The following KIAA1217 variants were observed in gnomAD, a reference collection of about 807,000 sequenced individuals.
KIAA1217 encodes the protein KIAA1217.
A neutral mutation model predicts 163.9 loss-of-function variants in KIAA1217; 88 were observed. That is an observed-to-expected ratio of 0.54 (90% CI 0.45 to 0.64). The LOEUF (loss-of-function observed/expected upper bound fraction) is 0.64, where lower values mean the gene tolerates loss of function less well. KIAA1217 is among the 30% of genes least tolerant of loss of function. The pLI is 0.00. For synonymous variants in KIAA1217, 903 were observed against 923.1 expected (o/e 0.98, Z 0.39); for missense variants, 2,372 against 2,475.0 (o/e 0.96, Z 0.88).
intron 16 of KIAA1217, 70 bp from the exon 17 acceptor site, chr10:24,536,704 C>G: frequency 6.5e-7 from 1 of 1,542,734 alleles, no homozygotes; most frequent in African/African-American, 1.4e-5. Context: ...TCTGGTTGTT[C>G]CTGCCTGTTT....
At chr10:23,794,846 A>G (rs935312252) in intron 1 of KIAA1217, among the ~76,000 whole-genome samples, 2 of 152,246 alleles carry the variant, frequency 1.3e-5, no homozygotes, top group Non-Finnish European at 2.9e-5. Context: ...TCTGATTGTC[A>G]AAAGGCATTT....
chr10:24,307,746 C>A (rs1220162262), intron 2 of KIAA1217, among the ~76,000 whole-genome samples: 1 of 152,034 alleles, frequency 6.6e-6, no homozygotes, highest in Non-Finnish European at 1.5e-5. Flanking sequence ...TGTGCTACTG[C>A]ACTTAGCCTT....
rs762968095 is a variant in KIAA1217, at chr10:24,194,762, ATTTTTT to A, written c.-170-24844_-170-24839del. 1.0e-4 allele frequency among the ~76,000 whole-genome samples: 10 copies of A among 97,978 alleles called. No individual in the cohort carries two copies. In the East Asian group the frequency reaches 2.9e-3, roughly 28 times the overall value. 64.3% of individuals were successfully genotyped at this position (97,978 alleles called of 152,430 possible). On this transcript the variant is annotated intron_variant, in intron 2 of 18. Transcript: ENST00000376462. The stretch of plus-strand genomic sequence containing the variant: ...CCTATAGTCACACCCAGCCAATTAA[ATTTTTT>A]TTTTTTTTTTTTTTTTTTTAGAGAG...
intron 2 of KIAA1217, among the ~76,000 whole-genome samples, chr10:24,280,702 C>T (rs1013608683): frequency 6.6e-6 from 1 of 151,506 alleles, no homozygotes; most frequent in Non-Finnish European, 1.5e-5. Flanking sequence ...CCCAGCTACT[C>T]AGGAGGCTGA....
chr10:24,027,354 G>A lies in KIAA1217; in HGVS notation c.-171+19980G>A, dbSNP rs1055104054. Among the ~76,000 whole-genome samples, 18 of 152,106 alleles carry A rather than the reference G, an allele frequency of 1.2e-4. 1 individual carries two copies. Among genetic ancestry groups the A allele is most frequent in the Admixed American group, 2.6e-4 (4 of 15,254 alleles). ...ATCACTGTCCTGTGCTATATATTGC[G>A]CAATATCTGAAAACTATTGTTTCAT... On this transcript the variant is annotated intron_variant, in intron 2 of 18. Coordinates refer to the KIAA1217 transcript ENST00000376462.
chr10:24,422,233 G>C (rs1407904347), intron 3 of KIAA1217, among the ~76,000 whole-genome samples: 6 of 152,226 alleles, frequency 3.9e-5, no homozygotes, highest in African/African-American at 1.4e-4. Context: ...GGGAATTATG[G>C]GAGCTACAAT....
intron 2 of KIAA1217, among the ~76,000 whole-genome samples, chr10:24,113,113 G>A (rs2062920840): frequency 6.6e-6 from 1 of 152,102 alleles, no homozygotes; most frequent in South Asian, 2.1e-4. Context: ...AAGCCACTCA[G>A]TTTGTGACAA....
At chr10:24,438,248 A>G (rs2060223376) in intron 4 of KIAA1217, 138 bp from the exon 5 acceptor site, 2 of 599,880 alleles carry the variant, frequency 3.3e-6, no homozygotes, top group Non-Finnish European at 3.0e-6. Context: ...ATGGTCACAT[A>G]GCTTTTGACT....
At chr10:24,450,909 C>A (rs552536289) in intron 5 of KIAA1217, among the ~76,000 whole-genome samples, 2 of 152,148 alleles carry the variant, frequency 1.3e-5, no homozygotes, top group African/African-American at 4.8e-5. Flanking sequence ...ATATAGATGA[C>A]TTATCTTGAA....
intron 2 of KIAA1217, among the ~76,000 whole-genome samples, chr10:24,030,462 T>C (rs1390872726): frequency 6.6e-6 from 1 of 152,170 alleles, no homozygotes; most frequent in Admixed American, 6.5e-5. Context: ...CCTTCCACCA[T>C]GACTGTAAGT....
At chr10:24,319,607 A>T (rs891473953) in intron 2 of KIAA1217, among the ~76,000 whole-genome samples, 12 of 152,196 alleles carry the variant, frequency 7.9e-5, no homozygotes, top group African/African-American at 2.9e-4. Context: ...CACGTAGAGC[A>T]AGAGGTAGAA....
chr10:24,264,341 G>C (rs1339410582), intron 2 of KIAA1217, among the ~76,000 whole-genome samples: 1 of 152,106 alleles, frequency 6.6e-6, no homozygotes, highest in African/African-American at 2.4e-5. Flanking sequence ...ACAAAAAGAT[G>C]CATTTAAAAA....
rs577603352 is a variant in KIAA1217, at chr10:24,381,466, C to A, written c.553+399C>A. Among the ~76,000 whole-genome samples, 3 of 152,302 alleles carry A rather than the reference C, an allele frequency of 2.0e-5. No homozygotes were observed. In the East Asian group the frequency reaches 5.8e-4, roughly 29 times the overall value. On this transcript the variant is annotated intron_variant, in intron 3 of 20. Coordinates refer to ENST00000376454, the MANE Select transcript of KIAA1217 (RefSeq NM_019590.5). ...ATGAGCAAGCATTACCGCCTGAGCT[C>A]CGCCTCCTGTCAGATCAGCTGTGGC...
At chr10:23,831,506 A>G (rs1439533482) in intron 1 of KIAA1217, among the ~76,000 whole-genome samples, 1 of 152,206 alleles carries the variant, frequency 6.6e-6, no homozygotes, top group Non-Finnish European at 1.5e-5. Flanking sequence ...CACATGGGAT[A>G]CAACATACAA....
intron 2 of KIAA1217, among the ~76,000 whole-genome samples, chr10:24,230,808 G>A (rs1049041407): frequency 6.6e-6 from 1 of 152,134 alleles, no homozygotes; most frequent in Non-Finnish European, 1.5e-5. Flanking sequence ...TGGGATTACA[G>A]GTGTGGGGTA....
chr10:24,046,395 A>G (rs80311751), intron 2 of KIAA1217, among the ~76,000 whole-genome samples: 4,258 of 152,262 alleles, frequency 0.028, 66 homozygotes, highest in South Asian at 0.046. Context: ...AAACAGACAG[A>G]GAGTGTATTA....
chr10:23,953,677 C>T (rs1351357367), intron 1 of KIAA1217, among the ~76,000 whole-genome samples: 1 of 152,222 alleles, frequency 6.6e-6, no homozygotes, highest in Non-Finnish European at 1.5e-5. Context: ...GTAGTTTCTA[C>T]TTTATATGGC....
intron 1 of KIAA1217, among the ~76,000 whole-genome samples, chr10:23,851,048 A>G (rs1400191251): frequency 2.6e-5 from 4 of 152,156 alleles, no homozygotes; most frequent in African/African-American, 7.2e-5. Flanking sequence ...GTTTTAGGGT[A>G]CATGGGCACA....
chr10:24,536,321 CT>C (rs778493764), intron 16 of KIAA1217, among the ~76,000 whole-genome samples: 2 of 152,058 alleles, frequency 1.3e-5, no homozygotes, highest in Non-Finnish European at 2.9e-5. Context: ...GCTAAGAGTA[CT>C]TTTATTGTAA....
Sources: gnomAD v4.1 joint callset for allele counts (sites outside exome capture counted in the v4.1 genomes callset) on GRCh38, gnomAD v4.1.1 for gene constraint, MANE v1.5 for transcripts, NCBI Gene and HGNC (gene_info 2026-07-23, HGNC 2026-07-21) for gene names.